The following FCHSD2 variants were observed in gnomAD, a reference collection of about 807,000 sequenced individuals.
FCHSD2 encodes the protein FCH and double SH3 domains 2.
In FCHSD2, 38 loss-of-function variants were observed where a neutral mutation model predicts 108.1. That is an observed-to-expected ratio of 0.35 (90% CI 0.27 to 0.46). The LOEUF (loss-of-function observed/expected upper bound fraction) is 0.46. FCHSD2 is among the 20% of genes least tolerant of loss of function. The pLI, the probability that FCHSD2 is intolerant of heterozygous loss-of-function variation, is 1.00. For missense variants in FCHSD2, 751 were observed against 897.8 expected, an observed-to-expected ratio of 0.84 and a Z score of 2.09; for synonymous variants, 279 against 314.7, an observed-to-expected ratio of 0.89 and a Z score of 1.20.
chr11:72,874,713 T>G (rs1413205446), intron 12 of FCHSD2, among the ~76,000 whole-genome samples: 1 of 152,200 alleles, frequency 6.6e-6, no homozygotes, highest in Non-Finnish European at 1.5e-5. Context: ...AACATGGTAT[T>G]TGCCAACTCA....
chr11:73,034,467 A>C (rs1403689139), intron 3 of FCHSD2, among the ~76,000 whole-genome samples: 1 of 152,234 alleles, frequency 6.6e-6, no homozygotes, highest in Non-Finnish European at 1.5e-5. Context: ...TACACACCAG[A>C]AACTGTTACT....
rs533990020 is a variant in FCHSD2, at chr11:73,045,323, C to A, written c.166-29438G>T. Reference sequence around the variant, plus strand: ...GAACACTTTTACACTGTTGGTGGGACTGTAAACTAGTTCAACCATTGTGGA... The same window carrying A: ...GAACACTTTTACACTGTTGGTGGGAATGTAAACTAGTTCAACCATTGTGGA... On this transcript the variant is annotated intron_variant, in intron 3 of 19. Transcript: ENST00000409418. Among the ~76,000 whole-genome samples the A allele has an allele frequency of 2.0e-4, 30 of 149,938 alleles. 1 individual carries two copies. Among genetic ancestry groups the A allele is most frequent in the Admixed American group, 7.3e-4 (11 of 15,080 alleles).
At chr11:72,986,284 A>G (rs1857309976) in intron 6 of FCHSD2, among the ~76,000 whole-genome samples, 1 of 152,154 alleles carries the variant, frequency 6.6e-6, no homozygotes, top group Non-Finnish European at 1.5e-5. Flanking sequence ...ATCTCTGCTC[A>G]CTGCAACCTC....
intron 4 of FCHSD2, among the ~76,000 whole-genome samples, chr11:73,010,363 A>G (rs1320669839): frequency 3.9e-5 from 6 of 152,180 alleles, no homozygotes; most frequent in East Asian, 3.8e-4. Flanking sequence ...CTTCTTTAAT[A>G]TCAACATTTT....
chr11:72,926,693 C>T (rs930044823), intron 8 of FCHSD2, among the ~76,000 whole-genome samples: 3 of 152,112 alleles, frequency 2.0e-5, no homozygotes, highest in Non-Finnish European at 4.4e-5. Flanking sequence ...GTCTGCCTAC[C>T]GCATACTTCC....
intron 2 of FCHSD2, among the ~76,000 whole-genome samples, chr11:73,097,385 T>A (rs1565408837): frequency 7.1e-6 from 1 of 140,804 alleles, no homozygotes. Context: ...TATTTATTTA[T>A]TTTTTTTTTT....
intron 3 of FCHSD2, among the ~76,000 whole-genome samples, chr11:73,072,908 A>C (rs76276314): frequency 1.3e-5 from 2 of 152,170 alleles, no homozygotes; most frequent in African/African-American, 4.8e-5. Context: ...AATAGCAAAA[A>C]ATTTTAGGTG....
At chr11:72,938,058 A>G (rs1347046934) in intron 8 of FCHSD2, among the ~76,000 whole-genome samples, 1 of 152,234 alleles carries the variant, frequency 6.6e-6, no homozygotes, top group African/African-American at 2.4e-5. Flanking sequence ...GGAGGAAAGC[A>G]TTCCAGGTAG....
chr11:72,928,194 A>G (rs1856116732), intron 8 of FCHSD2, among the ~76,000 whole-genome samples: 1 of 152,030 alleles, frequency 6.6e-6, no homozygotes, highest in South Asian at 2.1e-4. Flanking sequence ...GTATGTTGGA[A>G]ATTTTTCATA....
chr11:72,856,573 C>T (rs549029605), intron 13 of FCHSD2, among the ~76,000 whole-genome samples: 2 of 152,258 alleles, frequency 1.3e-5, no homozygotes, highest in South Asian at 4.1e-4. Context: ...ATATATTTTT[C>T]CTGACATATT....
intron 2 of FCHSD2, among the ~76,000 whole-genome samples, chr11:73,115,908 C>CA (rs2135551660): frequency 6.6e-6 from 1 of 152,306 alleles, no homozygotes; most frequent in East Asian, 1.9e-4. Flanking sequence ...TTCATGGCAA[C>CA]ATGTAGATTA....
At chr11:72,958,890 C>A (rs1157063546) in intron 8 of FCHSD2, among the ~76,000 whole-genome samples, 1 of 152,130 alleles carries the variant, frequency 6.6e-6, no homozygotes, top group Non-Finnish European at 1.5e-5. Flanking sequence ...ACAACTTACC[C>A]ATTTCCATCT....
chr11:72,893,735 G>T (rs1855365130), intron 10 of FCHSD2, among the ~76,000 whole-genome samples: 1 of 150,340 alleles, frequency 6.7e-6, no homozygotes, highest in Non-Finnish European at 1.5e-5. Flanking sequence ...GCTACAGAGG[G>T]AGACTCTGTC....
At chr11:72,840,325 TA>T (rs1040402395) in intron 19 of FCHSD2, among the ~76,000 whole-genome samples, 4 of 152,186 alleles carry the variant, frequency 2.6e-5, no homozygotes, top group African/African-American at 7.2e-5. Flanking sequence ...CAAAAGCTAA[TA>T]GGGGTCAAGG....
chr11:72,956,897 G>C (rs1856721698), intron 8 of FCHSD2, among the ~76,000 whole-genome samples: 1 of 151,496 alleles, frequency 6.6e-6, no homozygotes, highest in Admixed American at 6.6e-5. Context: ...CCAGGGGTGA[G>C]ACAGTTTGAC....
At chr11:73,007,919 CT>C (rs1188307392) in intron 4 of FCHSD2, among the ~76,000 whole-genome samples, 1 of 152,162 alleles carries the variant, frequency 6.6e-6, no homozygotes, top group Admixed American at 6.5e-5. Flanking sequence ...TTTATTATTT[CT>C]GACGACTATG....
intron 3 of FCHSD2, among the ~76,000 whole-genome samples, chr11:73,028,464 T>A (rs1858280664): frequency 6.6e-6 from 1 of 152,208 alleles, no homozygotes; most frequent in African/African-American, 2.4e-5. Context: ...CCCCATTGTA[T>A]CTTGGAAGTA....
intron 8 of FCHSD2, among the ~76,000 whole-genome samples, chr11:72,970,190 A>G (rs1287284116): frequency 6.6e-6 from 1 of 152,244 alleles, no homozygotes; most frequent in Non-Finnish European, 1.5e-5. Context: ...TGTTGAACAG[A>G]TAATACATAT....
chr11:73,068,064 C>T (rs141266427), intron 3 of FCHSD2, among the ~76,000 whole-genome samples: 3,026 of 151,956 alleles, frequency 0.02, 85 homozygotes, highest in African/African-American at 0.069. Context: ...TTCACTACCA[C>T]GAGAACAGTA....
Sources: allele counts gnomAD v4.1 joint callset (sites outside exome capture counted in the v4.1 genomes callset), GRCh38; gene constraint gnomAD v4.1.1; transcripts MANE v1.5; gene names NCBI Gene and HGNC (gene_info 2026-07-23, HGNC 2026-07-21).